Variants in GRIK2 observed in about 807,000 individuals in gnomAD.
GRIK2 encodes glutamate receptor ionotropic, kainate 2.
A neutral mutation model predicts 100.3 loss-of-function variants in GRIK2; 32 were observed. The observed-to-expected ratio is 0.32, with a 90% CI of 0.24 to 0.43. The LOEUF (loss-of-function observed/expected upper bound fraction) is 0.43, where lower values mean the gene tolerates loss of function less well. Among genes scored for constraint, GRIK2 ranks in the 20% least tolerant of loss-of-function variants. The probability of loss-of-function intolerance (pLI) is 1.00; values close to 1 mark genes in which losing one functional copy is unlikely to be tolerated. For synonymous variants in GRIK2, 417 were observed against 389.4 expected, an observed-to-expected ratio of 1.07 and a Z score of -0.83; for missense variants, 843 against 1,114.9, an observed-to-expected ratio of 0.76 and a Z score of 3.47.
At position 101,422,889 on chromosome 6, in the gene GRIK2, T is replaced by C. The variant is rs79323536; in HGVS notation, c.115+23497T>C. Among the ~76,000 whole-genome samples the C allele has an allele frequency of 2.0e-5, 3 of 152,324 alleles. No homozygotes were observed. In the East Asian group the frequency reaches 5.8e-4, roughly 29 times the overall value. On this transcript the variant is annotated intron_variant, in intron 2 of 16. Transcript: ENST00000369134. ...TTAGAACTCTGTGTGGAGTTCTGTA[T>C]ATTTTCCTTGGTTTACAGTGCATTT...
At chr6:102,017,607 A>G (rs1415889922) in intron 14 of GRIK2, among the ~76,000 whole-genome samples, 4 of 152,158 alleles carry the variant, frequency 2.6e-5, no homozygotes, top group Non-Finnish European at 4.4e-5. Flanking sequence ...ATTGCCTCAT[A>G]CACTTTTTCT....
At chr6:101,963,554 G>C (rs1017295346) in intron 14 of GRIK2, among the ~76,000 whole-genome samples, 1 of 109,374 alleles carries the variant, frequency 9.1e-6, no homozygotes, top group Admixed American at 1.2e-4. Context: ...GGGTTTCACT[G>C]TGTTAGCTAG....
chr6:101,731,592 A>G (rs568833818), intron 7 of GRIK2, among the ~76,000 whole-genome samples: 3 of 152,092 alleles, frequency 2.0e-5, no homozygotes, highest in African/African-American at 7.2e-5. Context: ...TTAAATAAAA[A>G]GCTATAAATT....
intron 14 of GRIK2, among the ~76,000 whole-genome samples, chr6:102,019,962 A>G (rs749279828): frequency 6.6e-6 from 1 of 152,008 alleles, no homozygotes; most frequent in Non-Finnish European, 1.5e-5. Flanking sequence ...TACAGTTGCT[A>G]AAAACATTTC....
chr6:101,562,689 C>T (rs1479717674), intron 2 of GRIK2, among the ~76,000 whole-genome samples: 2 of 151,946 alleles, frequency 1.3e-5, no homozygotes, highest in Non-Finnish European at 2.9e-5. Context: ...CTTCTCTGAG[C>T]CCATAATTCC....
chr6:101,508,972 G>T (rs6923255), intron 2 of GRIK2, among the ~76,000 whole-genome samples: 38,559 of 151,686 alleles, frequency 0.25, 6,143 homozygotes, highest in East Asian at 0.48. Context: ...TGGCTAACAC[G>T]GTGAAACCCC....
intron 7 of GRIK2, among the ~76,000 whole-genome samples, chr6:101,735,344 C>T (rs1775563067): frequency 6.6e-6 from 1 of 152,088 alleles, no homozygotes; most frequent in Non-Finnish European, 1.5e-5. Flanking sequence ...GACATTTATA[C>T]AATATCTCAG....
At chr6:101,509,010 A>T (rs1774163827) in intron 2 of GRIK2, among the ~76,000 whole-genome samples, 1 of 151,762 alleles carries the variant, frequency 6.6e-6, no homozygotes, top group South Asian at 2.1e-4. Flanking sequence ...ACAAAAAAAT[A>T]AGCTGGGCAT....
intron 7 of GRIK2, among the ~76,000 whole-genome samples, chr6:101,751,328 C>T (rs1472488258): frequency 6.6e-6 from 1 of 151,704 alleles, no homozygotes; most frequent in Non-Finnish European, 1.5e-5. Context: ...TAATAACAAA[C>T]CCTCATGTAT....
intron 15 of GRIK2, among the ~76,000 whole-genome samples, chr6:102,047,179 A>G (rs947925843): frequency 6.6e-6 from 1 of 152,078 alleles, no homozygotes; most frequent in Non-Finnish European, 1.5e-5. Flanking sequence ...CTAAACCCTA[A>G]AGTTAGCAGA....
At chr6:101,515,335 G>C (rs898042324) in intron 2 of GRIK2, among the ~76,000 whole-genome samples, 2 of 151,998 alleles carry the variant, frequency 1.3e-5, no homozygotes, top group African/African-American at 4.8e-5. Context: ...ATTTGGGTTG[G>C]TTCCACAATT....
chr6:101,576,824 A>G (rs1231322118), intron 2 of GRIK2, among the ~76,000 whole-genome samples: 7 of 152,052 alleles, frequency 4.6e-5, no homozygotes, highest in African/African-American at 1.7e-4. Context: ...TTCTAAATGT[A>G]CACTTTTATC....
chr6:101,585,623 G>A (rs879712947), intron 2 of GRIK2, among the ~76,000 whole-genome samples: 2 of 151,968 alleles, frequency 1.3e-5, no homozygotes, highest in African/African-American at 2.4e-5. Flanking sequence ...TCATATTAAG[G>A]GCCTTGTGAA....
chr6:101,461,381 G>C (rs925526532), intron 2 of GRIK2, among the ~76,000 whole-genome samples: 1 of 152,146 alleles, frequency 6.6e-6, no homozygotes, highest in Non-Finnish European at 1.5e-5. Flanking sequence ...CATCGTGGTT[G>C]TAGTATTGAT....
intron 2 of GRIK2, among the ~76,000 whole-genome samples, chr6:101,603,109 G>C (rs987425245): frequency 2.0e-5 from 3 of 151,512 alleles, no homozygotes; most frequent in African/African-American, 4.8e-5. Flanking sequence ...TCAAATCAAT[G>C]ACAAAATCCC....
intron 7 of GRIK2, among the ~76,000 whole-genome samples, chr6:101,722,260 AC>A: frequency 6.6e-6 from 1 of 152,126 alleles, no homozygotes; most frequent in East Asian, 1.9e-4. Context: ...GTAGGCTAGA[AC>A]TGATATCTAC....
chr6:101,565,658 G>A (rs752222428), intron 2 of GRIK2, among the ~76,000 whole-genome samples: 45 of 151,400 alleles, frequency 3.0e-4, no homozygotes, highest in Non-Finnish European at 4.4e-4. Flanking sequence ...TTTATTTTAG[G>A]GATTAGATTT....
At chr6:101,533,148 G>T (rs1775524283) in intron 2 of GRIK2, among the ~76,000 whole-genome samples, 1 of 151,880 alleles carries the variant, frequency 6.6e-6, no homozygotes, top group South Asian at 2.1e-4. Context: ...ACTACTTTGA[G>T]GCCAGTTTAT....
chr6:101,449,942 G>A (rs1351856161), intron 2 of GRIK2, among the ~76,000 whole-genome samples: 1 of 151,644 alleles, frequency 6.6e-6, no homozygotes, highest in African/African-American at 2.4e-5. Flanking sequence ...AAAATTCTCC[G>A]ATTTGGAAAA....
Sources: allele counts gnomAD v4.1 joint callset (sites outside exome capture counted in the v4.1 genomes callset), GRCh38; gene constraint gnomAD v4.1.1; transcripts MANE v1.5; gene names NCBI Gene and HGNC (gene_info 2026-07-23, HGNC 2026-07-21).